Variants in NRG3 observed in about 807,000 individuals in gnomAD.
NRG3 encodes neuregulin 3.
Under a neutral mutation model 66.9 loss-of-function variants are expected in NRG3, and 31 were observed. The ratio of observed to expected loss-of-function variants is 0.46; its 90% CI spans 0.35 to 0.63. The LOEUF (loss-of-function observed/expected upper bound fraction) is 0.63. Among genes scored for constraint, NRG3 ranks in the 20% least tolerant of loss-of-function variants. The probability of loss-of-function intolerance (pLI) is 0.00; values close to 1 mark genes in which losing one functional copy is unlikely to be tolerated. For synonymous variants in NRG3, 393 were observed against 359.4 expected, an observed-to-expected ratio of 1.09 and a Z score of -1.06; for missense variants, 910 against 878.9, an observed-to-expected ratio of 1.04 and a Z score of -0.45.
chr10:81,991,989 G>A (rs889104370), intron 1 of NRG3, among the ~76,000 whole-genome samples: 20 of 152,036 alleles, frequency 1.3e-4, no homozygotes, highest in African/African-American at 2.4e-4. Flanking sequence ...CATGCTTTAC[G>A]TTTTTACTTT....
chr10:82,300,877 T>A (rs980230353), intron 1 of NRG3, among the ~76,000 whole-genome samples: 2 of 151,938 alleles, frequency 1.3e-5, no homozygotes, highest in Non-Finnish European at 2.9e-5. Context: ...ACTCCTATAG[T>A]CCCAGCTACT....
intron 1 of NRG3, among the ~76,000 whole-genome samples, chr10:81,980,880 G>T (rs572030761): frequency 1.1e-4 from 17 of 152,092 alleles, no homozygotes; most frequent in African/African-American, 4.1e-4. Flanking sequence ...GCATGTTTTT[G>T]TGTGTCCATA....
chr10:82,019,688 T>G (rs372196766), intron 1 of NRG3, among the ~76,000 whole-genome samples: 8 of 152,178 alleles, frequency 5.3e-5, no homozygotes, highest in Non-Finnish European at 8.8e-5. Flanking sequence ...GTCGAGGAAT[T>G]TATCCATTTC....
chr10:82,705,699 C>T (rs2056238608), intron 2 of NRG3, among the ~76,000 whole-genome samples: 1 of 152,136 alleles, frequency 6.6e-6, no homozygotes, highest in Non-Finnish European at 1.5e-5. Context: ...TATCCTTTTA[C>T]CATCTACATG....
At chr10:82,961,801 T>C (rs562148788) in intron 6 of NRG3, among the ~76,000 whole-genome samples, 2 of 152,224 alleles carry the variant, frequency 1.3e-5, no homozygotes, top group South Asian at 2.1e-4. Context: ...AACACCAAGT[T>C]CCATCACCAA....
At chr10:82,572,360 A>G (rs373357525) in intron 2 of NRG3, among the ~76,000 whole-genome samples, 1 of 151,770 alleles carries the variant, frequency 6.6e-6, no homozygotes, top group East Asian at 1.9e-4. Context: ...CAAAAAAAAA[A>G]TCATTATTCT....
intron 4 of NRG3, among the ~76,000 whole-genome samples, chr10:82,933,517 T>C (rs1200931318): frequency 6.6e-5 from 10 of 152,210 alleles, no homozygotes; most frequent in Non-Finnish European, 1.0e-4. Context: ...CCACACTATT[T>C]CCTATTTATT....
intron 8 of NRG3, among the ~76,000 whole-genome samples, chr10:82,980,957 A>T (rs1000018474): frequency 5.9e-5 from 9 of 152,358 alleles, no homozygotes; most frequent in African/African-American, 1.9e-4. Flanking sequence ...CTATATACAT[A>T]TACATAAACT....
At chr10:82,006,666 C>T (rs1471213369) in intron 1 of NRG3, among the ~76,000 whole-genome samples, 4 of 151,752 alleles carry the variant, frequency 2.6e-5, no homozygotes, top group Non-Finnish European at 5.9e-5. Context: ...TATGGTTAGC[C>T]GGTTATTTCT....
intron 1 of NRG3, among the ~76,000 whole-genome samples, chr10:82,051,690 T>C (rs979725779): frequency 2.0e-5 from 3 of 152,208 alleles, no homozygotes; most frequent in African/African-American, 7.2e-5. Context: ...TGATCTAGTT[T>C]TGAAGTAACT....
chr10:82,006,638 A>AT (rs1225479983), intron 1 of NRG3, among the ~76,000 whole-genome samples: 1 of 151,702 alleles, frequency 6.6e-6, no homozygotes, highest in Non-Finnish European at 1.5e-5. Flanking sequence ...GAGTTATCTG[A>AT]TTTTTTTTCT....
intron 2 of NRG3, among the ~76,000 whole-genome samples, chr10:82,531,641 C>G (rs189285542): frequency 6.6e-6 from 1 of 151,990 alleles, no homozygotes; most frequent in East Asian, 1.9e-4. Context: ...CACGTGTTCA[C>G]TCATCTGTGA....
rs187762875 is a variant in NRG3, at chr10:82,511,569, G to C, written c.953+152701G>C. Reference sequence around the variant, plus strand: ...TGGTGAACAAGTCCCACAGAGATGTGGTGGGGAAGAGTGGCACCAGATAGC... The same window carrying C: ...TGGTGAACAAGTCCCACAGAGATGTCGTGGGGAAGAGTGGCACCAGATAGC... On this transcript the variant is annotated intron_variant, in intron 2 of 8. Coordinates refer to ENST00000372141, the MANE Select transcript of NRG3 (RefSeq NM_001010848.4). Among the ~76,000 whole-genome samples, 81 of 152,280 alleles carry C rather than the reference G, an allele frequency of 5.3e-4. No homozygotes were observed. In the Middle Eastern group the frequency reaches 0.01, roughly 19 times the overall value.
chr10:82,692,267 A>G (rs2054997584), intron 2 of NRG3, among the ~76,000 whole-genome samples: 1 of 146,976 alleles, frequency 6.8e-6, no homozygotes, highest in Admixed American at 6.8e-5. Context: ...AAAAAAAAAA[A>G]GTAACAATTA....
chr10:82,320,583 A>G (rs369222585), intron 1 of NRG3, among the ~76,000 whole-genome samples: 2 of 152,100 alleles, frequency 1.3e-5, no homozygotes, highest in Non-Finnish European at 2.9e-5. Flanking sequence ...TTCAGAAAAT[A>G]TTTTATTTGT....
At chr10:82,647,142 T>G (rs2133856202) in intron 2 of NRG3, among the ~76,000 whole-genome samples, 1 of 152,220 alleles carries the variant, frequency 6.6e-6, no homozygotes, top group Non-Finnish European at 1.5e-5. Context: ...CTCCTAATGC[T>G]ATCCCTCCCC....
In NRG3 at chr10:82,862,841, T is replaced by TTTTTA. The variant is rs1289515641; in HGVS notation, c.1028-2554_1028-2550dup. On this transcript the variant is annotated intron_variant, in intron 3 of 8. Coordinates refer to ENST00000372141, the MANE Select transcript of NRG3 (RefSeq NM_001010848.4). ...TTTCTACAAACTCCATTCTTCTTTA[T>TTTTTA]TTTTATTTTATTTTATTTTACTTTA... is the stretch of plus-strand genomic sequence containing the variant. 2.6e-5 allele frequency among the ~76,000 whole-genome samples: 4 copies of TTTTTA among 152,278 alleles called. No individual in the cohort carries two copies. The East Asian group carries it at 7.7e-4, about 29-fold the overall frequency.
At chr10:82,434,769 C>T (rs117049693) in intron 2 of NRG3, among the ~76,000 whole-genome samples, 1 of 152,112 alleles carries the variant, frequency 6.6e-6, no homozygotes, top group Non-Finnish European at 1.5e-5. Flanking sequence ...GTATGTTGAA[C>T]CAGCTTTGTG....
intron 2 of NRG3, among the ~76,000 whole-genome samples, chr10:82,522,877 T>G (rs115190156): frequency 0.012 from 1,756 of 152,310 alleles, 33 homozygotes; most frequent in African/African-American, 0.038. Context: ...TAGACATTTT[T>G]GCTACTCAGA....
Sources: gnomAD v4.1 joint callset for allele counts (sites outside exome capture counted in the v4.1 genomes callset) on GRCh38, gnomAD v4.1.1 for gene constraint, MANE v1.5 for transcripts, NCBI Gene and HGNC (gene_info 2026-07-23, HGNC 2026-07-21) for gene names.